The following IKZF3 variants were observed in gnomAD, a reference collection of about 807,000 sequenced individuals.
IKZF3 encodes the protein IKAROS family zinc finger 3.
IKZF3 carries 10 observed loss-of-function variants against 49.0 expected under a neutral mutation model. The observed-to-expected ratio is 0.20, with a 90% CI of 0.13 to 0.35. The LOEUF (loss-of-function observed/expected upper bound fraction) is 0.35, where lower values mean the gene tolerates loss of function less well. IKZF3 is among the 10% of genes least tolerant of loss of function. The pLI is 1.00. For missense variants in IKZF3, 498 were observed against 664.8 expected, an observed-to-expected ratio of 0.75 and a Z score of 2.76; for synonymous variants, 209 against 228.2, an observed-to-expected ratio of 0.92 and a Z score of 0.76.
chr17:39,777,864 T>C, intron 6 of IKZF3, 97 bp from the exon 7 acceptor site: 1 of 1,540,766 alleles, frequency 6.5e-7, no homozygotes, highest in African/African-American at 1.4e-5. Context: ...CGAAGTTGGA[T>C]GCACACTCTA....
chr17:39,791,735 C>A, intron 4 of IKZF3, 152 bp from the exon 5 acceptor site: 1 of 753,094 alleles, frequency 1.3e-6, no homozygotes, highest in South Asian at 1.9e-5. Flanking sequence ...AAGCCTAAGA[C>A]TTACTTATGA....
At chr17:39,795,991 G>A (rs191421232) in intron 3 of IKZF3, among the ~76,000 whole-genome samples, 15 of 151,856 alleles carry the variant, frequency 9.9e-5, no homozygotes, top group African/African-American at 2.9e-4. Context: ...GCAGTGACCC[G>A]AGATCGTACC....
chr17:39,787,514 C>G (rs9911669), intron 6 of IKZF3, among the ~76,000 whole-genome samples: 8,747 of 152,292 alleles, frequency 0.057, 388 homozygotes, highest in African/African-American at 0.12. Flanking sequence ...CCTCTACCCT[C>G]AATTTTTGCC....
chr17:39,802,694 C>A (rs552950705), intron 3 of IKZF3, among the ~76,000 whole-genome samples: 5 of 151,206 alleles, frequency 3.3e-5, no homozygotes, highest in African/African-American at 9.7e-5. Context: ...ATACAGCATG[C>A]CTGTAGTCCC....
chr17:39,859,417 C>T (rs977463149), intron 1 of IKZF3, among the ~76,000 whole-genome samples: 2 of 151,158 alleles, frequency 1.3e-5, no homozygotes, highest in African/African-American at 2.4e-5. Flanking sequence ...CTCTGTTGCC[C>T]AGGCTGTGGC....
chr17:39,775,311 T>C (rs560552274), intron 7 of IKZF3, among the ~76,000 whole-genome samples: 2 of 152,010 alleles, frequency 1.3e-5, no homozygotes, highest in South Asian at 2.1e-4. Context: ...ACAGAGAGAA[T>C]GTGATGGTTC....
intron 1 of IKZF3, chr17:39,839,471 C>T: frequency 1.7e-6 from 1 of 576,908 alleles, no homozygotes; most frequent in Non-Finnish European, 3.4e-6. Context: ...GAAGATTTTC[C>T]TTTTGTTTCT....
intron 6 of IKZF3, 181 bp from the exon 7 acceptor site, chr17:39,777,948 G>T (rs755859376): frequency 4.9e-5 from 64 of 1,299,666 alleles, no homozygotes; most frequent in Non-Finnish European, 4.5e-5. Context: ...CGACACCAGG[G>T]CACATTCAAA....
At chr17:39,800,197 A>C (rs896159520) in intron 3 of IKZF3, among the ~76,000 whole-genome samples, 2 of 152,226 alleles carry the variant, frequency 1.3e-5, no homozygotes, top group Non-Finnish European at 2.9e-5. Flanking sequence ...TTGGTTTTGT[A>C]AATTCTAATC....
chr17:39,824,254 C>T (rs542642672), intron 3 of IKZF3, among the ~76,000 whole-genome samples: 1 of 152,236 alleles, frequency 6.6e-6, no homozygotes, highest in South Asian at 2.1e-4. Context: ...GGCTTGTAGT[C>T]CCTTTGTTTT....
Position 39,759,905 on chromosome 17 carries a change from T to C in IKZF3, c.*5885A>G, listed in dbSNP as rs1162613224. On this transcript the variant is annotated 3_prime_UTR_variant, in exon 8 of 8. Coordinates refer to ENST00000346872, the MANE Select transcript of IKZF3 (RefSeq NM_012481.5). ...GGTTTTTTTCTTCTGTTCCTGGTGC[T>C]AACTTTTAGGACAAAGTTTCACCAC... The C allele has an allele frequency of 6.6e-6, 1 of 152,206 alleles. No homozygotes were observed. Among genetic ancestry groups the C allele is most frequent in the Non-Finnish European group, 1.5e-5 (1 of 68,042 alleles). 9.4% of individuals were successfully genotyped at this position (152,206 alleles called of 1,614,324 possible). A position where few individuals can be genotyped will look rare whatever the true frequency, so the allele number is the denominator to read the frequency against.
At chr17:39,804,593 C>A (rs1416791803) in intron 3 of IKZF3, among the ~76,000 whole-genome samples, 1 of 152,134 alleles carries the variant, frequency 6.6e-6, no homozygotes, top group Non-Finnish European at 1.5e-5. Context: ...CTGATGCTGT[C>A]ATGCAGTATG....
chr17:39,758,003 G>A lies in IKZF3; in HGVS notation c.*7787C>T, dbSNP rs1432040265. 6.6e-6 allele frequency: 1 copy of A among 152,170 alleles called. No homozygotes were observed. The highest frequency in any genetic ancestry group is 1.5e-5 in the Non-Finnish European group (1 of 68,032). The allele number at this position is 152,170 out of a possible 1,614,324, so 9.4% of individuals were successfully genotyped here. A position where few individuals can be genotyped will look rare whatever the true frequency, so the allele number is the denominator to read the frequency against. ...GATGAGAGGAGAGGCTGTGAGCACAGGCTGTGTCAAAACCCAGGGCAAGGG... is the reference window on the plus strand; with the variant it reads ...GATGAGAGGAGAGGCTGTGAGCACAAGCTGTGTCAAAACCCAGGGCAAGGG... On this transcript the variant is annotated 3_prime_UTR_variant, in exon 8 of 8. Transcript: ENST00000346872.
At chr17:39,845,400 C>T (rs1367647073) in intron 1 of IKZF3, among the ~76,000 whole-genome samples, 2 of 148,124 alleles carry the variant, frequency 1.4e-5, no homozygotes, top group African/African-American at 5.3e-5. Flanking sequence ...TAGCAGGTGC[C>T]TATAATCCAG....
At chr17:39,861,791 G>A (rs1320991391) in intron 1 of IKZF3, among the ~76,000 whole-genome samples, 1 of 152,120 alleles carries the variant, frequency 6.6e-6, no homozygotes. Context: ...AAACCCCTGT[G>A]AGAATATATT....
intron 1 of IKZF3, among the ~76,000 whole-genome samples, chr17:39,844,260 T>C (rs569083238): frequency 3.3e-5 from 5 of 152,338 alleles, no homozygotes; most frequent in African/African-American, 9.6e-5. Context: ...CCTGTACTGA[T>C]GTTTATACAT....
At chr17:39,777,557 G>T in intron 7 of IKZF3, 94 bp downstream of exon 7, 1 of 777,184 alleles carries the variant, frequency 1.3e-6, no homozygotes, top group Non-Finnish European at 2.1e-6. Flanking sequence ...TTTAACAGAG[G>T]TTAAGCTAGG....
intron 3 of IKZF3, among the ~76,000 whole-genome samples, chr17:39,828,455 G>A (rs1460077682): frequency 3.9e-5 from 6 of 152,176 alleles, no homozygotes; most frequent in African/African-American, 1.4e-4. Flanking sequence ...GTAAGAAGGA[G>A]GAAGAGTAGC....
chr17:39,796,005 G>A (rs1362181645), intron 3 of IKZF3, among the ~76,000 whole-genome samples: 1 of 151,884 alleles, frequency 6.6e-6, no homozygotes. Context: ...TCGTACCACT[G>A]CACTCCAGCC....
Sources: gnomAD v4.1 joint callset for allele counts (sites outside exome capture counted in the v4.1 genomes callset) on GRCh38, gnomAD v4.1.1 for gene constraint, MANE v1.5 for transcripts, NCBI Gene and HGNC (gene_info 2026-07-23, HGNC 2026-07-21) for gene names.